The following NRG3 variants were observed in gnomAD, a reference collection of about 807,000 sequenced individuals.
NRG3 encodes the protein neuregulin 3.
In NRG3, 31 loss-of-function variants were observed where a neutral mutation model predicts 66.9. That is an observed-to-expected ratio of 0.46 (90% confidence interval 0.35 to 0.63). The LOEUF (loss-of-function observed/expected upper bound fraction) is 0.63, where lower values mean the gene tolerates loss of function less well. Among genes scored for constraint, NRG3 ranks in the 20% least tolerant of loss-of-function variants. The probability of loss-of-function intolerance (pLI) is 0.00; values close to 1 mark genes in which losing one functional copy is unlikely to be tolerated. For missense variants in NRG3, 910 were observed against 878.9 expected (o/e 1.04, Z -0.45); for synonymous variants, 393 against 359.4 (o/e 1.09, Z -1.06).
intron 2 of NRG3, among the ~76,000 whole-genome samples, chr10:82,725,385 A>G (rs1303658512): frequency 6.6e-6 from 1 of 152,212 alleles, no homozygotes; most frequent in Non-Finnish European, 1.5e-5. Flanking sequence ...CTATTTAAGA[A>G]GTCAGTATTG....
intron 2 of NRG3, among the ~76,000 whole-genome samples, chr10:82,665,230 A>G (rs1229592948): frequency 1.3e-5 from 2 of 152,182 alleles, no homozygotes; most frequent in Non-Finnish European, 2.9e-5. Flanking sequence ...TAGGTTTGAT[A>G]TCCTGCTGAT....
chr10:82,566,772 G>T (rs1373549600), intron 2 of NRG3, among the ~76,000 whole-genome samples: 2 of 151,896 alleles, frequency 1.3e-5, no homozygotes, highest in Non-Finnish European at 2.9e-5. Context: ...TTACCAAGTA[G>T]TAGATATTTA....
chr10:82,170,671 T>TGTAA (rs2072518972), intron 1 of NRG3, among the ~76,000 whole-genome samples: 1 of 107,828 alleles, frequency 9.3e-6, no homozygotes. Flanking sequence ...TATATATATA[T>TGTAA]ATATATATAT....
chr10:82,785,617 C>G (rs181494101), intron 3 of NRG3, among the ~76,000 whole-genome samples: 5 of 151,960 alleles, frequency 3.3e-5, no homozygotes, highest in African/African-American at 1.2e-4. Flanking sequence ...TTGGACTTTG[C>G]GGAAGGCAAC....
intron 1 of NRG3, among the ~76,000 whole-genome samples, chr10:82,214,393 C>T (rs1266116759): frequency 6.6e-6 from 1 of 152,116 alleles, no homozygotes; most frequent in African/African-American, 2.4e-5. Flanking sequence ...GTCTGTCCTA[C>T]AGTAGTGAGA....
At chr10:82,190,556 C>T (rs2074080513) in intron 1 of NRG3, among the ~76,000 whole-genome samples, 1 of 152,120 alleles carries the variant, frequency 6.6e-6, no homozygotes, top group African/African-American at 2.4e-5. Flanking sequence ...ACAGCATTTA[C>T]TCATTTAATC....
At chr10:82,101,732 G>A (rs1383787047) in intron 1 of NRG3, among the ~76,000 whole-genome samples, 1 of 151,380 alleles carries the variant, frequency 6.6e-6, no homozygotes, top group African/African-American at 2.4e-5. Context: ...GCTAAGGGTT[G>A]TTTAATAAGC....
chr10:82,352,054 T>C (rs766664304), intron 1 of NRG3, among the ~76,000 whole-genome samples: 4 of 152,200 alleles, frequency 2.6e-5, no homozygotes, highest in Non-Finnish European at 4.4e-5. Flanking sequence ...ACTATGGATA[T>C]ATTGAAAATC....
At chr10:82,972,762 A>G (rs1851886953) in intron 6 of NRG3, among the ~76,000 whole-genome samples, 1 of 152,174 alleles carries the variant, frequency 6.6e-6, no homozygotes, top group African/African-American at 2.4e-5. Context: ...ACAACCCTAT[A>G]AGAGAGATTT....
intron 1 of NRG3, among the ~76,000 whole-genome samples, chr10:82,104,480 T>C (rs1030453732): frequency 6.6e-6 from 1 of 152,156 alleles, no homozygotes; most frequent in Non-Finnish European, 1.5e-5. Flanking sequence ...TTGTAAAATT[T>C]GTAAAAAAAT....
intron 1 of NRG3, among the ~76,000 whole-genome samples, chr10:82,270,985 A>T: frequency 6.6e-6 from 1 of 152,204 alleles, no homozygotes; most frequent in Middle Eastern, 3.4e-3. Flanking sequence ...GTGAGACCTT[A>T]TCTCAGAGAA....
chr10:81,929,035 C>G (rs1345506180), intron 1 of NRG3, among the ~76,000 whole-genome samples: 1 of 151,976 alleles, frequency 6.6e-6, no homozygotes, highest in African/African-American at 2.4e-5. Context: ...GCTATGTTGC[C>G]CAGTCTGTCT....
intron 4 of NRG3, among the ~76,000 whole-genome samples, chr10:82,870,069 C>T (rs1054164363): frequency 8.2e-5 from 12 of 145,752 alleles, no homozygotes; most frequent in African/African-American, 1.3e-4. Flanking sequence ...GGGGTTTCAC[C>T]GTGTTAGCCA....
chr10:82,101,033 C>T (rs1278210343), intron 1 of NRG3, among the ~76,000 whole-genome samples: 2 of 152,074 alleles, frequency 1.3e-5, no homozygotes, highest in African/African-American at 4.8e-5. Flanking sequence ...ATATAGAACT[C>T]TTCAGGTTAT....
At chr10:82,432,193 A>G (rs2089857504) in intron 2 of NRG3, among the ~76,000 whole-genome samples, 1 of 152,200 alleles carries the variant, frequency 6.6e-6, no homozygotes, top group South Asian at 2.1e-4. Context: ...TACACTGAAA[A>G]AATTGTATCT....
chr10:82,610,441 T>TA (rs1299717470), intron 2 of NRG3, among the ~76,000 whole-genome samples: 1 of 152,176 alleles, frequency 6.6e-6, no homozygotes, highest in Non-Finnish European at 1.5e-5. Flanking sequence ...ATAATTCCTT[T>TA]AAAAATAGGA....
At chr10:82,863,632 T>C (rs10128269) in intron 3 of NRG3, among the ~76,000 whole-genome samples, 40,169 of 152,082 alleles carry the variant, frequency 0.26, 5,776 homozygotes, top group East Asian at 0.52. Flanking sequence ...TTTTTTCATA[T>C]GTTTTTTGGT....
intron 6 of NRG3, among the ~76,000 whole-genome samples, chr10:82,964,558 C>G (rs1851015840): frequency 6.6e-6 from 1 of 152,140 alleles, no homozygotes; most frequent in Non-Finnish European, 1.5e-5. Context: ...TGCAAAAATT[C>G]TCAACAGCGG....
intron 1 of NRG3, among the ~76,000 whole-genome samples, chr10:82,155,354 A>C (rs1017931343): frequency 6.6e-6 from 1 of 151,738 alleles, no homozygotes; most frequent in African/African-American, 2.4e-5. Context: ...ACCTTTTAAA[A>C]ATAAGTATAA....
Sources: gnomAD v4.1 joint callset for allele counts (sites outside exome capture counted in the v4.1 genomes callset) on GRCh38, gnomAD v4.1.1 for gene constraint, MANE v1.5 for transcripts, NCBI Gene and HGNC (gene_info 2026-07-23, HGNC 2026-07-21) for gene names.